The following SLC39A12 variants were observed in gnomAD, a reference collection of about 807,000 sequenced individuals.
SLC39A12 encodes the protein zinc transporter ZIP12.
Under a neutral mutation model 71.1 loss-of-function variants are expected in SLC39A12, and 63 were observed. The ratio of observed to expected loss-of-function variants is 0.89; its 90% CI spans 0.72 to 1.09. SLC39A12 has a LOEUF of 1.09. Among genes scored for constraint, SLC39A12 ranks in the 50% least tolerant of loss-of-function variants. The pLI is 0.00. For synonymous variants in SLC39A12, 351 were observed against 301.3 expected (o/e 1.16, Z -1.71); for missense variants, 892 against 812.6 (o/e 1.10, Z -1.19).
intron 4 of SLC39A12, among the ~76,000 whole-genome samples, chr10:17,971,819 C>A (rs7081306): frequency 0.33 from 49,659 of 151,796 alleles, 8,396 homozygotes; most frequent in South Asian, 0.39. Context: ...TGTTTTCTTC[C>A]TTCAAATTCA....
At chr10:18,005,118 C>T (rs1254340234) in intron 12 of SLC39A12, among the ~76,000 whole-genome samples, 1 of 152,020 alleles carries the variant, frequency 6.6e-6, no homozygotes, top group Non-Finnish European at 1.5e-5. Flanking sequence ...AGAGCTAATG[C>T]ATGCTAGGAT....
chr10:17,963,451 G>A (rs692077), intron 3 of SLC39A12, among the ~76,000 whole-genome samples: 100,239 of 152,052 alleles, frequency 0.66, 33,182 homozygotes, highest in African/African-American at 0.68. Flanking sequence ...CTGAGATAAA[G>A]CAGCCCCAGA....
chr10:18,036,401 G>T (rs1837020296), intron 12 of SLC39A12, among the ~76,000 whole-genome samples: 2 of 152,018 alleles, frequency 1.3e-5, no homozygotes, highest in South Asian at 4.2e-4. Flanking sequence ...GGGTGGGAGT[G>T]ACCCGATTTT....
intron 10 of SLC39A12, among the ~76,000 whole-genome samples, chr10:17,997,021 T>TTAAA (rs1835702628): frequency 6.5e-5 from 1 of 15,494 alleles, no homozygotes; most frequent in Non-Finnish European, 2.3e-4. Flanking sequence ...AGACTCCGTC[T>TTAAA]CAAAAAAAAA....
At chr10:17,976,904 T>C (rs1479560940) in intron 4 of SLC39A12, among the ~76,000 whole-genome samples, 1 of 152,234 alleles carries the variant, frequency 6.6e-6, no homozygotes, top group African/African-American at 2.4e-5. Context: ...TCCTTTCTCT[T>C]TCTCCTTTCT....
Position 17,999,832 on chromosome 10 carries a change from C to T in SLC39A12, c.1601-835C>T, listed in dbSNP as rs191260752. Among the ~76,000 whole-genome samples the T allele has an allele frequency of 7.9e-5, 12 of 152,222 alleles. No homozygotes were observed. The East Asian group carries it at 1.2e-3, about 15-fold the overall frequency. ...AAGTCACAATGGGGAGTGAATGGGG[C>T]GCTTCAGGGAAGTCATTAGCACTCA... On this transcript the variant is annotated intron_variant, in intron 10 of 12. Coordinates refer to ENST00000377369, the MANE Select transcript of SLC39A12 (RefSeq NM_001145195.2).
intron 12 of SLC39A12, among the ~76,000 whole-genome samples, chr10:18,029,151 G>C (rs545663654): frequency 2.0e-5 from 3 of 152,180 alleles, no homozygotes; most frequent in Admixed American, 1.3e-4. Context: ...GATTACAGGC[G>C]TGAGCCACCG....
In SLC39A12 at chr10:17,987,587, A is replaced by G; in HGVS notation, c.1205A>G (p.Gln402Arg). Reference sequence around the variant, plus strand: ...GAGGAGAACTACAGGCTTATCTTACAGCTGTTTGTGGGCTTGGCCGTCGGG... The same window carrying G: ...GAGGAGAACTACAGGCTTATCTTACGGCTGTTTGTGGGCTTGGCCGTCGGG... The part of the protein sequence containing the change: ...SCEENYRLIL[Q>R]LFVGLAVGTL... Residue 402 changes from glutamine (Q) to arginine (R), a missense_variant, in exon 7 of 13, where the codon CAG becomes CGG. By Grantham distance (43) the Gln-to-Arg change is conservative. Transcript: ENST00000377369. The G allele has an allele frequency of 6.2e-7, 1 of 1,614,094 alleles. No individual in the cohort carries two copies. Among genetic ancestry groups the G allele is most frequent in the South Asian group, 1.1e-5 (1 of 91,076 alleles).
Position 17,961,854 on chromosome 10 carries a change from C to G in SLC39A12, c.535C>G (p.Gln179Glu). The change falls in exon 3 of 13, where the codon CAA becomes GAA. Residue 179 changes from glutamine to glutamate, a missense_variant. Physicochemically the swap from Gln to Glu is conservative, Grantham distance 29 (BLOSUM62 2). Transcript: ENST00000377369. ...CACCAGGCAGTACTTTGACACTTCT[C>G]AAAGCCAGGTAAGAAGGCAAAATTG... ...AFTRQYFDTS[Q>E]SQCMETKTLQ... 1.2e-6 allele frequency: 2 copies of G among 1,611,742 alleles called. No homozygotes were observed. The highest frequency in any genetic ancestry group is 1.7e-6 in the Non-Finnish European group (2 of 1,179,036).
chr10:17,974,639 C>G (rs767587297), intron 4 of SLC39A12, among the ~76,000 whole-genome samples: 11 of 152,190 alleles, frequency 7.2e-5, no homozygotes, highest in Non-Finnish European at 1.5e-4. Flanking sequence ...ACTCTCTGTT[C>G]TGAGTCACCT....
rs1834411402 is a variant in SLC39A12, at chr10:17,951,972, G to A, written c.-140G>A. On this transcript the variant is annotated 5_prime_UTR_variant, in exon 1 of 13. Transcript: ENST00000377369. ...TTTGTAACTGTGAAATACTCTCCAG[G>A]ATTTAAAAGGCTGTGGAGCTCCAGA... 2 of 152,154 alleles carry A rather than the reference G, an allele frequency of 1.3e-5. No homozygotes were observed. Among genetic ancestry groups the A allele is most frequent in the Admixed American group, 6.5e-5 (1 of 15,282 alleles). The allele number at this position is 152,154 out of a possible 1,614,324, so 9.4% of individuals were successfully genotyped here.
intron 12 of SLC39A12, among the ~76,000 whole-genome samples, chr10:18,036,220 G>C: frequency 6.6e-6 from 1 of 152,218 alleles, no homozygotes; most frequent in Non-Finnish European, 1.5e-5. Context: ...AGCAAGCCTG[G>C]GCAATGGCGG....
At chr10:18,030,584 G>T (rs908379595) in intron 12 of SLC39A12, among the ~76,000 whole-genome samples, 18 of 150,718 alleles carry the variant, frequency 1.2e-4, no homozygotes, top group Non-Finnish European at 2.7e-4. Context: ...CATAGAACCA[G>T]TACTGTGATA....
chr10:18,035,688 T>C (rs902036484), intron 12 of SLC39A12, among the ~76,000 whole-genome samples: 1 of 152,254 alleles, frequency 6.6e-6, no homozygotes, highest in African/African-American at 2.4e-5. Flanking sequence ...CCGTTGCTGG[T>C]GAGGAACTGC....
chr10:18,041,749 ATATATGTG>A (rs1837250743), intron 12 of SLC39A12, among the ~76,000 whole-genome samples: 1 of 123,978 alleles, frequency 8.1e-6, no homozygotes, highest in African/African-American at 3.0e-5. Flanking sequence ...ATATACATGT[ATATATGTG>A]TATACATATG....
At chr10:18,041,836 T>C (rs1837261409) in intron 12 of SLC39A12, among the ~76,000 whole-genome samples, 1 of 147,714 alleles carries the variant, frequency 6.8e-6, no homozygotes, top group Non-Finnish European at 1.5e-5. Flanking sequence ...TGTACATACA[T>C]ATGTATACGT....
chr10:17,953,414 G>C lies in SLC39A12; in HGVS notation c.138G>C (p.Leu46=). ...GGAGTTCAGGCCAACCGGCAGACCT[G>C]CTACAGGTTCTCTCTGCTGGTGACC... ...SRGSSGQPAD[L]LQVLSAGDHP... The change falls in exon 2 of 13, where the codon CTG becomes CTC. Residue 46 remains leucine, a synonymous_variant. Coordinates refer to ENST00000377369, the MANE Select transcript of SLC39A12 (RefSeq NM_001145195.2). The C allele has an allele frequency of 1.9e-6, 3 of 1,614,184 alleles. No homozygotes were observed. The highest frequency in any genetic ancestry group is 2.5e-6 in the Non-Finnish European group (3 of 1,180,042).
intron 6 of SLC39A12, among the ~76,000 whole-genome samples, chr10:17,983,519 T>C (rs931974109): frequency 1.3e-4 from 19 of 151,530 alleles, no homozygotes; most frequent in Non-Finnish European, 2.4e-4. Flanking sequence ...CACAGTGGCT[T>C]ATGCCTGTAA....
chr10:17,952,187 C>T (rs1048344977), intron 1 of SLC39A12, among the ~76,000 whole-genome samples, 162 bp downstream of exon 1: 3 of 152,164 alleles, frequency 2.0e-5, no homozygotes, highest in South Asian at 2.1e-4. Context: ...GGGCCAGGAT[C>T]GGACATGAGA....
Sources: allele counts gnomAD v4.1 joint callset (sites outside exome capture counted in the v4.1 genomes callset), GRCh38; gene constraint gnomAD v4.1.1; transcripts MANE v1.5; gene names NCBI Gene and HGNC (gene_info 2026-07-23, HGNC 2026-07-21).